Variants in SUGCT observed in about 807,000 individuals in gnomAD.
SUGCT encodes succinyl-CoA:glutarate CoA-transferase.
In SUGCT, 41 loss-of-function variants were observed where a neutral mutation model predicts 55.0. The observed-to-expected ratio is 0.74, with a 90% CI of 0.58 to 0.97. SUGCT has a LOEUF of 0.97. Ranked by LOEUF, SUGCT falls within the 50% of genes least tolerant of loss-of-function variation. The probability of loss-of-function intolerance (pLI) is 0.00; values close to 1 mark genes in which losing one functional copy is unlikely to be tolerated. For missense variants in SUGCT, 568 were observed against 547.8 expected, an observed-to-expected ratio of 1.04 and a Z score of -0.37; for synonymous variants, 187 against 200.4, an observed-to-expected ratio of 0.93 and a Z score of 0.56.
At chr7:41,010,008 G>T in the SUGCT span, among the ~76,000 whole-genome samples, 1 of 152,186 alleles carries the variant, frequency 6.6e-6, no homozygotes, top group Non-Finnish European at 1.5e-5. Flanking sequence ...GAGCCTACAT[G>T]TGTTTGCGCT....
chr7:40,185,395 A>G (rs2150720742), intron 3 of SUGCT, among the ~76,000 whole-genome samples: 1 of 152,156 alleles, frequency 6.6e-6, no homozygotes, highest in South Asian at 2.1e-4. Flanking sequence ...AGTGAGGCCT[A>G]TTTCCTCTTT....
At chr7:40,669,416 CAG>C (rs922005470) in intron 12 of SUGCT, among the ~76,000 whole-genome samples, 1 of 142,096 alleles carries the variant, frequency 7.0e-6, no homozygotes, top group African/African-American at 2.6e-5. Flanking sequence ...TCAATGAAAA[CAG>C]ACACTCAATA....
At chr7:40,333,941 C>G (rs1476195915) in intron 9 of SUGCT, among the ~76,000 whole-genome samples, 1 of 151,636 alleles carries the variant, frequency 6.6e-6, no homozygotes, top group South Asian at 2.1e-4. Flanking sequence ...GGTGATAGTC[C>G]CCTTCCTGTG....
chr7:40,180,630 A>G (rs1785144730), intron 1 of SUGCT, among the ~76,000 whole-genome samples: 1 of 151,888 alleles, frequency 6.6e-6, no homozygotes. Context: ...TTGAGATTAC[A>G]GGCATGTGCC....
chr7:40,217,347 A>G (rs568456456), intron 6 of SUGCT: 104 of 389,306 alleles, frequency 2.7e-4, no homozygotes, highest in Non-Finnish European at 4.2e-4. Flanking sequence ...AGTGGCTCGG[A>G]CTACAGGCTC....
At chr7:40,958,156 A>G in the SUGCT span, among the ~76,000 whole-genome samples, 2 of 152,118 alleles carry the variant, frequency 1.3e-5, no homozygotes, top group Admixed American at 6.6e-5. Context: ...TGCTCTTCTT[A>G]AAGAGTATCT....
At chr7:40,756,590 A>C (rs952549823) in intron 13 of SUGCT, among the ~76,000 whole-genome samples, 1 of 152,156 alleles carries the variant, frequency 6.6e-6, no homozygotes, top group African/African-American at 2.4e-5. Flanking sequence ...AGTGCAGTTA[A>C]ATTTCTATAA....
At chr7:40,205,455 A>G (rs1402918799) in intron 6 of SUGCT, among the ~76,000 whole-genome samples, 1 of 151,934 alleles carries the variant, frequency 6.6e-6, no homozygotes, top group Non-Finnish European at 1.5e-5. Flanking sequence ...CAGCCTGGCC[A>G]ACATGGTGAA....
intron 12 of SUGCT, among the ~76,000 whole-genome samples, chr7:40,511,729 A>G (rs962022509): frequency 1.3e-5 from 2 of 152,212 alleles, no homozygotes; most frequent in Non-Finnish European, 2.9e-5. Flanking sequence ...TGAATTTTTA[A>G]AAAATGTTAA....
chr7:40,786,806 A>T (rs920223077), intron 13 of SUGCT, among the ~76,000 whole-genome samples: 1 of 152,152 alleles, frequency 6.6e-6, no homozygotes, highest in Admixed American at 6.5e-5. Flanking sequence ...TGTTAGCCTT[A>T]ATGTTTTGGA....
At chr7:40,735,284 T>TAA (rs1381686461) in intron 12 of SUGCT, among the ~76,000 whole-genome samples, 1 of 152,232 alleles carries the variant, frequency 6.6e-6, no homozygotes, top group Non-Finnish European at 1.5e-5. Context: ...ATCACCTTTG[T>TAA]ATTTCACTGG....
chr7:40,931,940 C>CCT, the SUGCT span, among the ~76,000 whole-genome samples: 1 of 152,060 alleles, frequency 6.6e-6, no homozygotes, highest in East Asian at 1.9e-4. Context: ...CTGTTCTGAT[C>CCT]TTAGTTGTTT....
chr7:40,755,900 T>G (rs1191096165), intron 13 of SUGCT, among the ~76,000 whole-genome samples: 1 of 152,172 alleles, frequency 6.6e-6, no homozygotes, highest in Non-Finnish European at 1.5e-5. Context: ...AGCTCCAGGT[T>G]CTTCAATATA....
chr7:40,637,086 G>A (rs1263385901), intron 12 of SUGCT, among the ~76,000 whole-genome samples: 3 of 152,132 alleles, frequency 2.0e-5, no homozygotes, highest in African/African-American at 7.2e-5. Flanking sequence ...TTTAATATGC[G>A]GGGATGACTG....
chr7:41,037,232 C>T, the SUGCT span, among the ~76,000 whole-genome samples: 1 of 152,038 alleles, frequency 6.6e-6, no homozygotes, highest in African/African-American at 2.4e-5. Context: ...GTTTTTTCTG[C>T]CCCTCTGAAG....
the SUGCT span, among the ~76,000 whole-genome samples, chr7:40,951,899 C>T: frequency 4.2e-3 from 643 of 152,074 alleles, 2 homozygotes; most frequent in African/African-American, 0.013. Context: ...GTAATAAGTG[C>T]GATGTGATGC....
At chr7:40,515,987 T>C (rs1014150323) in intron 12 of SUGCT, among the ~76,000 whole-genome samples, 3 of 152,244 alleles carry the variant, frequency 2.0e-5, no homozygotes, top group African/African-American at 7.2e-5. Flanking sequence ...TTCTTTATTT[T>C]TTTCCATCCC....
intron 13 of SUGCT, among the ~76,000 whole-genome samples, chr7:40,804,602 G>A (rs186062678): frequency 5.9e-4 from 90 of 152,044 alleles, no homozygotes; most frequent in Middle Eastern, 6.8e-3. Flanking sequence ...AATGCAATCA[G>A]CATTTGTGGA....
chr7:40,460,639 G>A (rs889291792), intron 11 of SUGCT, among the ~76,000 whole-genome samples: 11 of 152,128 alleles, frequency 7.2e-5, no homozygotes, highest in African/African-American at 2.7e-4. Context: ...ATGATACCTA[G>A]ATTGGTTTCC....
Sources: allele counts gnomAD v4.1 joint callset (sites outside exome capture counted in the v4.1 genomes callset), GRCh38; gene constraint gnomAD v4.1.1; transcripts MANE v1.5; gene names NCBI Gene and HGNC (gene_info 2026-07-23, HGNC 2026-07-21).